CNOT10: variants seen among roughly 807,000 people sequenced by gnomAD.
CNOT10 encodes CCR4-NOT transcription complex, subunit 10.
A neutral mutation model predicts 94.6 loss-of-function variants in CNOT10; 30 were observed. The observed-to-expected ratio is 0.32, with a 90% CI of 0.24 to 0.43. The LOEUF (loss-of-function observed/expected upper bound fraction) is 0.43, where lower values mean the gene tolerates loss of function less well. CNOT10 is among the 20% of genes least tolerant of loss of function. The probability of loss-of-function intolerance (pLI) is 1.00; values close to 1 mark genes in which losing one functional copy is unlikely to be tolerated. For synonymous variants in CNOT10, 289 were observed against 301.6 expected, an observed-to-expected ratio of 0.96 and a Z score of 0.43; for missense variants, 759 against 877.2, an observed-to-expected ratio of 0.87 and a Z score of 1.70.
chr3:32,730,017 C>T (rs1320879845), intron 10 of CNOT10, among the ~76,000 whole-genome samples: 1 of 151,878 alleles, frequency 6.6e-6, no homozygotes, highest in Non-Finnish European at 1.5e-5. Flanking sequence ...ATCCGCCCGC[C>T]TCGGCCTCCC....
chr3:32,695,365 T>A (rs1368478882), intron 1 of CNOT10, among the ~76,000 whole-genome samples: 1 of 152,006 alleles, frequency 6.6e-6, no homozygotes, highest in Non-Finnish European at 1.5e-5. Context: ...GCATCATTGG[T>A]ATTTTGTGAC....
chr3:32,754,506 A>ATATT (rs1553637902), intron 13 of CNOT10, among the ~76,000 whole-genome samples: 19 of 104,416 alleles, frequency 1.8e-4, no homozygotes, highest in African/African-American at 4.9e-4. Flanking sequence ...ATATATATAT[A>ATATT]TATTTATTTT....
intron 2 of CNOT10, 94 bp from the exon 3 acceptor site, chr3:32,704,717 A>G: frequency 7.3e-7 from 1 of 1,363,128 alleles, no homozygotes; most frequent in South Asian, 1.4e-5. Context: ...AAGAACTTTT[A>G]AGATAAAGAT....
At position 32,725,573 on chromosome 3, in the gene CNOT10, A is replaced by G. The variant is rs1240804270; in HGVS notation, c.986A>G (p.Gln329Arg). 1 of 1,614,112 alleles carries G rather than the reference A, an allele frequency of 6.2e-7. No individual in the cohort carries two copies. The highest frequency in any genetic ancestry group is 1.1e-5 in the South Asian group (1 of 91,070). Residue 329 changes from glutamine (Q) to arginine (R), a missense_variant, in exon 9 of 19, where the codon CAG (glutamine) becomes CGG (arginine). By Grantham distance (43) the Gln-to-Arg change is conservative (BLOSUM62 1). Transcript: ENST00000328834. ...ALQENDNVCA[Q>R]LSAGSTDPGK... ...CAAGAGAATGACAATGTCTGTGCAC[A>G]GCTCAGTGCAGGTAGCACTGATCCA...
intron 1 of CNOT10, among the ~76,000 whole-genome samples, chr3:32,687,440 T>TTTTTTTTTTG (rs1553626982): frequency 1.0e-3 from 32 of 32,072 alleles, no homozygotes; most frequent in Non-Finnish European, 8.5e-4. Flanking sequence ...GTCCTCACGG[T>TTTTTTTTTTG]TTTTTTTTTT....
chr3:32,720,131 T>C lies in CNOT10; in HGVS notation c.762T>C (p.Phe254=). 1 of 1,527,000 alleles carries C rather than the reference T, an allele frequency of 6.5e-7. No individual in the cohort carries two copies. The highest frequency in any genetic ancestry group is 1.3e-5 in the South Asian group (1 of 78,272). The allele number at this position is 1,527,000 out of a possible 1,614,324, so 94.6% of individuals were successfully genotyped here. The change falls in exon 8 of 19, where the codon TTT becomes TTC. Residue 254 remains phenylalanine, a synonymous_variant. Coordinates refer to ENST00000328834, the MANE Select transcript of CNOT10 (RefSeq NM_015442.3). ...CTCTACAGTCCGCACCCTCTCTCTTTCTTAAAAGCAATTTTGAGTACTTAA... is the reference window on the plus strand; with the variant it reads ...CTCTACAGTCCGCACCCTCTCTCTTCCTTAAAAGCAATTTTGAGTACTTAA... ...NTAGNSAPSL[F]LKSNFEYLRG... is the part of the protein sequence containing the mutation.
chr3:32,695,935 C>T (rs1697033134), intron 1 of CNOT10: 1 of 822,776 alleles, frequency 1.2e-6, no homozygotes. Context: ...TGTACAAATA[C>T]ACAAGGAAAA....
intron 13 of CNOT10, among the ~76,000 whole-genome samples, chr3:32,749,193 G>C (rs984317674): frequency 2.7e-5 from 4 of 150,044 alleles, no homozygotes; most frequent in African/African-American, 9.8e-5. Context: ...CATTCTGAGG[G>C]TTGTCTTTTC....
At chr3:32,739,036 C>G (rs1022723023) in intron 13 of CNOT10, among the ~76,000 whole-genome samples, 13 of 151,830 alleles carry the variant, frequency 8.6e-5, no homozygotes, top group South Asian at 2.1e-4. Flanking sequence ...TCCTAAGAAG[C>G]TGGGATTACA....
chr3:32,719,884 T>C (rs1017602841), intron 7 of CNOT10, among the ~76,000 whole-genome samples: 5 of 152,212 alleles, frequency 3.3e-5, no homozygotes, highest in African/African-American at 1.2e-4. Context: ...TATACCTATA[T>C]TTATTTTTTC....
intron 12 of CNOT10, 51 bp downstream of exon 12, chr3:32,735,027 T>C (rs1699123335): frequency 6.8e-7 from 1 of 1,463,730 alleles, no homozygotes. Context: ...AGGACTTCTT[T>C]AGTAAACCCT....
intron 10 of CNOT10, 47 bp from the exon 11 acceptor site, chr3:32,733,376 A>G (rs745556393): frequency 3.6e-6 from 5 of 1,391,616 alleles, no homozygotes; most frequent in African/African-American, 2.9e-5. Flanking sequence ...TTTATACCAC[A>G]TCTTACAATT....
rs531818016 is a variant in CNOT10, at chr3:32,704,755, T to C, written c.118-56T>C. On this transcript the variant is annotated intron_variant, in intron 2 of 18. Coordinates refer to ENST00000328834, the MANE Select transcript of CNOT10 (RefSeq NM_015442.3). Reference sequence around the variant, plus strand: ...ATGAAATATATTTGGAATGATATACTGTATTTAAAGCTGGTATGTAATTTT... The same window carrying C: ...ATGAAATATATTTGGAATGATATACCGTATTTAAAGCTGGTATGTAATTTT... 8.0e-6 allele frequency: 12 copies of C among 1,492,930 alleles called. No individual in the cohort carries two copies. The African/African-American group carries it at 1.5e-4, about 18-fold the overall frequency. 92.5% of individuals were successfully genotyped at this position (1,492,930 alleles called of 1,614,324 possible).
intron 10 of CNOT10, chr3:32,730,927 A>G (rs898526841): frequency 5.9e-5 from 9 of 152,186 alleles, no homozygotes; most frequent in Non-Finnish European, 1.2e-4. Context: ...CTTTCTGGCT[A>G]TCGGTGCTTG....
intron 8 of CNOT10, among the ~76,000 whole-genome samples, chr3:32,722,883 C>G (rs1225412336): frequency 6.6e-6 from 1 of 152,002 alleles, no homozygotes; most frequent in Non-Finnish European, 1.5e-5. Flanking sequence ...ACTTAGGATC[C>G]CAAAGTGCTG....
chr3:32,708,811 G>C lies in CNOT10; in HGVS notation c.421G>C (p.Glu141Gln). The change falls in exon 4 of 19, where the codon GAG (glutamate) becomes CAG (glutamine). Residue 141 changes from glutamate (E) to glutamine (Q), a missense_variant. Physicochemically the swap from Glu to Gln is conservative, Grantham distance 29. Coordinates refer to ENST00000328834, the MANE Select transcript of CNOT10 (RefSeq NM_015442.3). Reference sequence around the variant, plus strand: ...TGGTGAAAAACTTTATCAGTTCATAGAGCCTTTTGGTATGTTATCTGTCAA... The same window carrying C: ...TGGTGAAAAACTTTATCAGTTCATACAGCCTTTTGGTATGTTATCTGTCAA... ...SVGEKLYQFI[E>Q]PFEEKFAQAV... is the part of the protein sequence containing the mutation. 1 of 1,608,058 alleles carries C rather than the reference G, an allele frequency of 6.2e-7. No individual in the cohort carries two copies. Among genetic ancestry groups the C allele is most frequent in the Non-Finnish European group, 8.5e-7 (1 of 1,178,482 alleles).
At chr3:32,734,651 G>T in intron 11 of CNOT10, 149 bp from the exon 12 acceptor site, 1 of 598,450 alleles carries the variant, frequency 1.7e-6, no homozygotes. Context: ...GGGTTCTTTA[G>T]CATGCTTTTA....
At chr3:32,702,205 C>T (rs1447926548) in intron 1 of CNOT10, among the ~76,000 whole-genome samples, 1 of 151,572 alleles carries the variant, frequency 6.6e-6, no homozygotes, top group African/African-American at 2.4e-5. Context: ...AAGCAATTCT[C>T]GTGCCTCAGC....
chr3:32,753,849 G>A, intron 13 of CNOT10: 7 of 1,515,098 alleles, frequency 4.6e-6, no homozygotes, highest in South Asian at 1.1e-5. Flanking sequence ...TCTGATGTAG[G>A]TAAAAGGAAA....
Sources: allele counts gnomAD v4.1 joint callset (sites outside exome capture counted in the v4.1 genomes callset), GRCh38; gene constraint gnomAD v4.1.1; transcripts MANE v1.5; gene names NCBI Gene and HGNC (gene_info 2026-07-23, HGNC 2026-07-21).